Variants in ILK observed in about 807,000 individuals in gnomAD.
ILK encodes integrin linked kinase.
Under a neutral mutation model 57.8 loss-of-function variants are expected in ILK, and 37 were observed. That is an observed-to-expected ratio of 0.64 (90% confidence interval 0.49 to 0.84). The LOEUF is 0.84. Ranked by LOEUF, ILK falls within the 40% of genes least tolerant of loss-of-function variation. The pLI, the probability that ILK is intolerant of heterozygous loss-of-function variation, is 0.00. For missense variants in ILK, 528 were observed against 595.7 expected (o/e 0.89, Z 1.18); for synonymous variants, 231 against 202.2 (o/e 1.14, Z -1.21).
Position 6,609,335 on chromosome 11 carries a change from G to T in ILK, c.655G>T (p.Val219Leu). The T allele has an allele frequency of 1.2e-6, 2 of 1,614,138 alleles. No homozygotes were observed. Among genetic ancestry groups the T allele is most frequent in the South Asian group, 1.1e-5 (1 of 91,084 alleles). The change falls in exon 8 of 13, where the codon GTG (valine) becomes TTG (leucine). Residue 219 changes from valine (V) to leucine (L), a missense_variant. Val to Leu is a conservative substitution (Grantham distance 32). Coordinates refer to ENST00000299421, the MANE Select transcript of ILK (RefSeq NM_004517.4). ...KGRWQGNDIVVKVLKVRDWST... is the reference protein window; with the variant it reads ...KGRWQGNDIVLKVLKVRDWST... Reference sequence around the variant, plus strand: ...CCGCTGGCAGGGCAATGACATTGTCGTGAAGGTGCTGAAGGTTCGAGACTG... The same window carrying T: ...CCGCTGGCAGGGCAATGACATTGTCTTGAAGGTGCTGAAGGTTCGAGACTG...
At position 6,608,314 on chromosome 11, in the gene ILK, T is replaced by C; in HGVS notation, c.256-80T>C. The C allele has an allele frequency of 1.3e-6, 2 of 1,569,742 alleles. No individual in the cohort carries two copies. The highest frequency in any genetic ancestry group is 1.7e-5 in the Admixed American group (1 of 59,902). On this transcript the variant is annotated intron_variant, in intron 3 of 12. Coordinates refer to ENST00000299421, the MANE Select transcript of ILK (RefSeq NM_004517.4). The surrounding 1 kb of genome is among the most constrained non-coding windows in gnomAD (Gnocchi z 4.9). ...AAAGCATGTGTGCTCTTCCCCCTTT[T>C]CCCATGCCCTGACACCAGTATCTCA...
In ILK at chr11:6,608,673, A is replaced by C. The variant is rs1272083936; in HGVS notation, c.352-21A>C. 6.2e-7 allele frequency: 1 copy of C among 1,601,190 alleles called. No individual in the cohort carries two copies. Among genetic ancestry groups the C allele is most frequent in the African/African-American group, 1.3e-5 (1 of 74,684 alleles). ...CAGCGAGGTAGCAGTGGCTCTCATC[A>C]TAATGGCCTTTTCATTCCAGGACCT... is the stretch of plus-strand genomic sequence containing the variant. On this transcript the variant is annotated intron_variant, in intron 4 of 12. Coordinates refer to ENST00000299421, the MANE Select transcript of ILK (RefSeq NM_004517.4). The surrounding 1 kb of genome is among the most constrained non-coding windows in gnomAD (Gnocchi z 4.9).
At position 6,610,173 on chromosome 11, in the gene ILK, A is replaced by G; in HGVS notation, c.1104A>G (p.Thr368=). 1 of 1,614,232 alleles carries G rather than the reference A, an allele frequency of 6.2e-7. No homozygotes were observed. Among genetic ancestry groups the G allele is most frequent in the Non-Finnish European group, 8.5e-7 (1 of 1,180,032 alleles). ...CTCTGCAGAAGAAGCCTGAAGACAC[A>G]AACAGACGCTCAGCAGACATGTGGA... is the stretch of plus-strand genomic sequence containing the variant. The part of the protein sequence containing the change: ...PEALQKKPED[T]NRRSADMWSF... Residue 368 remains threonine, a synonymous_variant, in exon 12 of 13, where the codon ACA becomes ACG. Transcript: ENST00000299421.
rs1589940447 is a variant in ILK, at chr11:6,609,714, C to T, written c.857-10C>T. On this transcript the variant is annotated splice_polypyrimidine_tract_variant and intron_variant, in intron 9 of 12. Coordinates refer to ENST00000299421, the MANE Select transcript of ILK (RefSeq NM_004517.4). ...CCTCTCTGAACTATTTGACTTTTGC[C>T]TCCTCTCAGATTTCGTCGTGGACCA... 2 of 1,614,160 alleles carry T rather than the reference C, an allele frequency of 1.2e-6. No individual in the cohort carries two copies. The highest frequency in any genetic ancestry group is 1.7e-6 in the Non-Finnish European group (2 of 1,180,024).
chr11:6,609,820 A>G lies in ILK; in HGVS notation c.953A>G (p.His318Arg), dbSNP rs773688505. ...ACACTAGAGCCCCTCATCCCACGAC[A>G]TGCACTCAATAGCCGTAGTGTAATG... The part of the protein sequence containing the change: ...LHTLEPLIPR[H>R]ALNSRSVMID... The change falls in exon 10 of 13, where the codon CAT (histidine) becomes CGT (arginine). Residue 318 changes from histidine (H) to arginine (R), a missense_variant. Coordinates refer to ENST00000299421, the MANE Select transcript of ILK (RefSeq NM_004517.4). 2 of 1,614,230 alleles carry G rather than the reference A, an allele frequency of 1.2e-6. No homozygotes were observed. The highest frequency in any genetic ancestry group is 2.2e-5 in the South Asian group (2 of 91,086).
chr11:6,609,213 G>A (rs1366094501), intron 7 of ILK, 57 bp downstream of exon 7: 6 of 1,601,378 alleles, frequency 3.7e-6, no homozygotes, highest in Non-Finnish European at 4.3e-6. Context: ...TACTTGCTTT[G>A]TACCTGTTTT....
Position 6,608,401 on chromosome 11 carries a change from A to G in ILK, c.263A>G (p.Gln88Arg). ...TCTGGCCATGGGGTCCAGCTATTGC[A>G]GTACAAGGCAGACATCAATGCAGTG... ...GHRDIVQKLL[Q>R]YKADINAVNE... Residue 88 changes from glutamine to arginine, a missense_variant, in exon 4 of 13, where the codon CAG becomes CGG. Coordinates refer to ENST00000299421, the MANE Select transcript of ILK (RefSeq NM_004517.4). This position sits in a 1 kb window ranked among gnomAD's most constrained non-coding sequence, Gnocchi z 4.9. The G allele has an allele frequency of 6.2e-7, 1 of 1,613,916 alleles. No homozygotes were observed. Among genetic ancestry groups the G allele is most frequent in the Non-Finnish European group, 8.5e-7 (1 of 1,179,776 alleles).
chr11:6,608,821 T>C lies in ILK; in HGVS notation c.448+31T>C, dbSNP rs1198205599. 6.2e-7 allele frequency: 1 copy of C among 1,612,530 alleles called. No homozygotes were observed. Among genetic ancestry groups the C allele is most frequent in the Non-Finnish European group, 8.5e-7 (1 of 1,178,526 alleles). On this transcript the variant is annotated intron_variant, in intron 5 of 12. Transcript: ENST00000299421. The surrounding 1 kb of genome is among the most constrained non-coding windows in gnomAD (Gnocchi z 4.9). The stretch of plus-strand genomic sequence containing the variant: ...TCTCCCCATCCCCTAGCTTGTGTCC[T>C]CTCGTCCCTTCCCACCTGTCTTCTC...
At chr11:6,609,243 T>C (rs995944171) in intron 7 of ILK, 56 bp from the exon 8 acceptor site, 3 of 1,602,190 alleles carry the variant, frequency 1.9e-6, no homozygotes, top group African/African-American at 1.3e-5. Context: ...CTCCAGTTAG[T>C]GGGCAAGGAA....
rs529751196 is a variant in ILK at position 6,608,110 on chromosome 11, A to G, written c.154A>G (p.Met52Val). ...CREGRSAVVEMLIMRGARINV... is the reference protein window; with the variant it reads ...CREGRSAVVEVLIMRGARINV... ...AGAGGGCCGCTCTGCTGTGGTTGAG[A>G]TGTTGATCATGCGGGGGGCACGGAT... The change falls in exon 3 of 13, where the codon ATG (methionine) becomes GTG (valine). Residue 52 changes from methionine to valine, a missense_variant. Coordinates refer to ENST00000299421, the MANE Select transcript of ILK (RefSeq NM_004517.4). The surrounding 1 kb of genome is among the most constrained non-coding windows in gnomAD (Gnocchi z 4.9). 7 of 1,613,990 alleles carry G rather than the reference A, an allele frequency of 4.3e-6. No homozygotes were observed. In the East Asian group the frequency reaches 1.3e-4, roughly 31 times the overall value.
In ILK at chr11:6,608,243, C is replaced by T. The variant is rs749124825; in HGVS notation, c.255+32C>T. 16 of 1,611,880 alleles carry T rather than the reference C, an allele frequency of 9.9e-6. No individual in the cohort carries two copies. In the East Asian group the frequency reaches 3.6e-4, roughly 36 times the overall value. On this transcript the variant is annotated intron_variant, in intron 3 of 12. Coordinates refer to ENST00000299421, the MANE Select transcript of ILK (RefSeq NM_004517.4). The surrounding 1 kb of genome is among the most constrained non-coding windows in gnomAD (Gnocchi z 4.9). ...ACAAACTCCTTCGTCATCCACATCACATACATGCCATGAGGGTCAGTCACA... is the reference window on the plus strand; with the variant it reads ...ACAAACTCCTTCGTCATCCACATCATATACATGCCATGAGGGTCAGTCACA...
In ILK at chr11:6,610,487, C is replaced by G. The variant is rs1458470224; in HGVS notation, c.1235C>G (p.Thr412Ser). ...GTGGCATTGGAAGGCCTTCGGCCTACCATCCCACCAGGTATTTCCCCTCAT... is the reference window on the plus strand; with the variant it reads ...GTGGCATTGGAAGGCCTTCGGCCTAGCATCCCACCAGGTATTTCCCCTCAT... ...MKVALEGLRPTIPPGISPHVC... is the reference protein window; with the variant it reads ...MKVALEGLRPSIPPGISPHVC... The change falls in exon 13 of 13, where the codon ACC becomes AGC. Residue 412 changes from threonine to serine, a missense_variant. Thr to Ser is a moderately conservative substitution (Grantham distance 58). Transcript: ENST00000299421. 1.2e-6 allele frequency: 2 copies of G among 1,614,238 alleles called. No individual in the cohort carries two copies. Among genetic ancestry groups the G allele is most frequent in the Middle Eastern group, 1.6e-4 (1 of 6,062 alleles).
In ILK at chr11:6,609,704, TGAC is replaced by T. The variant is rs1170919203; in HGVS notation, c.857-19_857-17del. On this transcript the variant is annotated splice_polypyrimidine_tract_variant and intron_variant, in intron 9 of 12. Transcript: ENST00000299421. ...AGAGAGGGAGCCTCTCTGAACTATTTGACTTTTGCCTCCTCTCAGATTTCGTCG... is the reference window on the plus strand; with the variant it reads ...AGAGAGGGAGCCTCTCTGAACTATTTTTTTGCCTCCTCTCAGATTTCGTCG... The T allele has an allele frequency of 6.2e-6, 10 of 1,614,090 alleles. No homozygotes were observed. The highest frequency in any genetic ancestry group is 8.5e-6 in the Non-Finnish European group (10 of 1,180,044).
chr11:6,604,622 C>T (rs1854646835), intron 2 of ILK: 3 of 581,596 alleles, frequency 5.2e-6, no homozygotes, highest in Non-Finnish European at 9.3e-6. Context: ...GGGGGCAAGG[C>T]ACAGAGCAGA....
intron 1 of ILK, 86 bp downstream of exon 1, chr11:6,603,908 C>T (rs762943270): frequency 1.8e-5 from 8 of 442,062 alleles, no homozygotes; most frequent in African/African-American, 1.4e-4. Flanking sequence ...TGGGGAGGAC[C>T]CCCGGTCCCC....
Position 6,608,194 on chromosome 11 carries a change from C to T in ILK, c.238C>T (p.Arg80Cys). ...PLHLAASHGH[R>C]DIVQKLLQYK... is the part of the protein sequence containing the mutation. ...GCATCTGGCAGCCAGTCATGGACACCGTGATATTGTACAGAAGGTACGTAC... is the reference window on the plus strand; with the variant it reads ...GCATCTGGCAGCCAGTCATGGACACTGTGATATTGTACAGAAGGTACGTAC... Residue 80 changes from arginine (R) to cysteine (C), a missense_variant, in exon 3 of 13, where the codon CGT becomes TGT. Transcript: ENST00000299421. This position sits in a 1 kb window ranked among gnomAD's most constrained non-coding sequence, Gnocchi z 4.9. The T allele has an allele frequency of 8.1e-6, 13 of 1,614,172 alleles. No homozygotes were observed. Among genetic ancestry groups the T allele is most frequent in the Admixed American group, 1.7e-5 (1 of 60,032 alleles).
At position 6,609,387 on chromosome 11, in the gene ILK, ATG is replaced by A; in HGVS notation, c.708_709del (p.Asn236LysfsTer47). ...AGTACAAGGAAGAGCAGGGACTTCAATGAAGAGTGTCCCCGGCTCAGGTAGTG... is the reference window on the plus strand; with the variant it reads ...AGTACAAGGAAGAGCAGGGACTTCAAAAGAGTGTCCCCGGCTCAGGTAGTG... On this transcript the variant is annotated frameshift_variant, in exon 8 of 13. Transcript: ENST00000299421. LOFTEE classifies it high-confidence loss of function. The A allele has an allele frequency of 6.2e-7, 1 of 1,614,014 alleles. No individual in the cohort carries two copies. Among genetic ancestry groups the A allele is most frequent in the Non-Finnish European group, 8.5e-7 (1 of 1,179,976 alleles).
chr11:6,610,303 G>A, intron 12 of ILK, 25 bp downstream of exon 12: 1 of 1,614,066 alleles, frequency 6.2e-7, no homozygotes, highest in Non-Finnish European at 8.5e-7. Context: ...GCATACATTT[G>A]TGTTGCGGGA....
In ILK at chr11:6,609,160, A is replaced by C. The variant is rs1466779256; in HGVS notation, c.618+4A>C. Reference sequence around the variant, plus strand: ...CAACGAGAATCACTCTGGAGAGGTGACCCCTGCCCTTCTTGCCCTTCCCTC... The same window carrying C: ...CAACGAGAATCACTCTGGAGAGGTGCCCCCTGCCCTTCTTGCCCTTCCCTC... On this transcript the variant is annotated splice_donor_region_variant and intron_variant, in intron 7 of 12. Coordinates refer to ENST00000299421, the MANE Select transcript of ILK (RefSeq NM_004517.4). 1 of 1,613,002 alleles carries C rather than the reference A, an allele frequency of 6.2e-7. No individual in the cohort carries two copies. Among genetic ancestry groups the C allele is most frequent in the African/African-American group, 1.3e-5 (1 of 74,868 alleles).
Sources: gnomAD v4.1 joint callset for allele counts on GRCh38, gnomAD v4.1.1 for gene constraint, Gnocchi (gnomAD v3.1) non-coding constraint, MANE v1.5 for transcripts, NCBI Gene and HGNC (gene_info 2026-07-23, HGNC 2026-07-21) for gene names.